Variants in FHIT observed in about 807,000 individuals in gnomAD.
The protein encoded by FHIT is bis(5'-adenosyl)-triphosphatase.
Under a neutral mutation model 17.9 loss-of-function variants are expected in FHIT, and 19 were observed. That is an observed-to-expected ratio of 1.06 (90% CI 0.74 to 1.56). The LOEUF (loss-of-function observed/expected upper bound fraction) is 1.56. Ranked by LOEUF, FHIT falls within the 40% of genes most tolerant of loss-of-function variation. The pLI, the probability that FHIT is intolerant of heterozygous loss-of-function variation, is 0.00. For missense variants in FHIT, 248 were observed against 189.2 expected (o/e 1.31, Z -1.82); for synonymous variants, 81 against 69.7 (o/e 1.16, Z -0.81).
At chr3:61,233,884 CA>C (rs1471843894) in intron 1 of FHIT, among the ~76,000 whole-genome samples, 1 of 152,198 alleles carries the variant, frequency 6.6e-6, no homozygotes, top group African/African-American at 2.4e-5. Flanking sequence ...CTCTCCTTGA[CA>C]TCTCTGAGCT....
At chr3:60,871,055 G>A (rs1704395218) in intron 3 of FHIT, among the ~76,000 whole-genome samples, 1 of 152,006 alleles carries the variant, frequency 6.6e-6, no homozygotes, top group South Asian at 2.1e-4. Flanking sequence ...ATGATTTTTA[G>A]GAAGAAAAGG....
intron 8 of FHIT, among the ~76,000 whole-genome samples, chr3:59,848,435 A>G (rs1701803720): frequency 6.6e-6 from 1 of 152,174 alleles, no homozygotes; most frequent in African/African-American, 2.4e-5. Flanking sequence ...GAATGCCAAA[A>G]AGATTTAAAA....
At chr3:60,603,854 T>G (rs564729671) in intron 4 of FHIT, among the ~76,000 whole-genome samples, 89 of 152,272 alleles carry the variant, frequency 5.8e-4, no homozygotes, top group African/African-American at 2.1e-3. Context: ...TGGCTTAGGC[T>G]CCTTTAATTA....
At chr3:59,786,139 C>T (rs985082635) in intron 8 of FHIT, among the ~76,000 whole-genome samples, 10 of 152,154 alleles carry the variant, frequency 6.6e-5, no homozygotes, top group African/African-American at 2.4e-4. Flanking sequence ...GTCTGGGCCA[C>T]ACCAAAAGTG....
At chr3:60,811,640 A>G (rs1701574068) in intron 4 of FHIT, among the ~76,000 whole-genome samples, 2 of 152,172 alleles carry the variant, frequency 1.3e-5, no homozygotes, top group African/African-American at 4.8e-5. Flanking sequence ...AATCCATGTC[A>G]CCTGACTCCA....
rs563149572 is a variant in FHIT, at chr3:61,017,193, A to C, written c.-111+24854T>G. ...TAATCCCAGCTACTTGGGAAGCTAAAGCAGGAGAATCACTTGAACCTAAGA... is the reference window on the plus strand; with the variant it reads ...TAATCCCAGCTACTTGGGAAGCTAACGCAGGAGAATCACTTGAACCTAAGA... On this transcript the variant is annotated intron_variant, in intron 3 of 9. Coordinates refer to ENST00000492590, the MANE Select transcript of FHIT (RefSeq NM_002012.4). Among the ~76,000 whole-genome samples the C allele has an allele frequency of 7.9e-5, 12 of 152,306 alleles. No homozygotes were observed. The South Asian group carries it at 2.5e-3, about 32-fold the overall frequency.
chr3:59,910,792 T>C (rs946119316), intron 8 of FHIT, among the ~76,000 whole-genome samples: 1 of 152,218 alleles, frequency 6.6e-6, no homozygotes, highest in South Asian at 2.1e-4. Flanking sequence ...GTTGCTGTTA[T>C]CTTTTTCTGA....
At chr3:60,256,000 T>G (rs1460473716) in intron 5 of FHIT, among the ~76,000 whole-genome samples, 5 of 152,120 alleles carry the variant, frequency 3.3e-5, no homozygotes, top group African/African-American at 9.7e-5. Flanking sequence ...GCAAGCCTGA[T>G]TTTTGAAAAG....
At chr3:60,140,165 G>T (rs566544495) in intron 5 of FHIT, among the ~76,000 whole-genome samples, 21 of 152,072 alleles carry the variant, frequency 1.4e-4, no homozygotes, top group African/African-American at 4.6e-4. Context: ...ATTGATAATT[G>T]TAAGAATATA....
intron 5 of FHIT, among the ~76,000 whole-genome samples, chr3:60,369,852 C>A (rs1700251882): frequency 6.6e-6 from 1 of 152,154 alleles, no homozygotes; most frequent in Admixed American, 6.5e-5. Flanking sequence ...TACAGCCTAG[C>A]CACTGGCCAA....
chr3:60,926,551 A>C (rs1553769988), intron 3 of FHIT, among the ~76,000 whole-genome samples: 1 of 152,258 alleles, frequency 6.6e-6, no homozygotes, highest in African/African-American at 2.4e-5. Flanking sequence ...GGACACATTC[A>C]AAGCAGTGTG....
At chr3:60,895,075 C>T (rs1481180856) in intron 3 of FHIT, among the ~76,000 whole-genome samples, 1 of 152,186 alleles carries the variant, frequency 6.6e-6, no homozygotes, top group Non-Finnish European at 1.5e-5. Context: ...ATCGCACTGG[C>T]TTTTAGCTGT....
intron 4 of FHIT, among the ~76,000 whole-genome samples, chr3:60,715,499 T>C (rs1251916207): frequency 2.6e-5 from 4 of 151,652 alleles, no homozygotes; most frequent in African/African-American, 9.7e-5. Flanking sequence ...GAAATCATCA[T>C]TCTCAGTAAA....
chr3:60,410,825 T>C (rs1702033031), intron 5 of FHIT, among the ~76,000 whole-genome samples: 1 of 152,176 alleles, frequency 6.6e-6, no homozygotes, highest in Non-Finnish European at 1.5e-5. Flanking sequence ...TCCATTCTCA[T>C]ATTGCTTATT....
intron 5 of FHIT, among the ~76,000 whole-genome samples, chr3:60,170,336 T>G (rs192581816): frequency 2.6e-5 from 4 of 152,294 alleles, no homozygotes; most frequent in Non-Finnish European, 4.4e-5. Flanking sequence ...CAACAATATA[T>G]GATTCTGTAA....
Position 60,381,477 on chromosome 3 carries a change from T to G in FHIT, c.103+155383A>C, listed in dbSNP as rs1211291143. On this transcript the variant is annotated intron_variant, in intron 5 of 9. Coordinates refer to ENST00000492590, the MANE Select transcript of FHIT (RefSeq NM_002012.4). ...TGGGCAACAAGAGCAAAACTCCATC[T>G]CAAAAAAAAAAAGAAAAGAAAAGAA... Among the ~76,000 whole-genome samples the G allele has an allele frequency of 4.3e-5, 6 of 141,086 alleles. No individual in the cohort carries two copies. In the Admixed American group the frequency reaches 4.3e-4, roughly 10 times the overall value. 92.6% of individuals were successfully genotyped at this position (141,086 alleles called of 152,430 possible).
chr3:59,969,184 T>C (rs917175810), intron 7 of FHIT, among the ~76,000 whole-genome samples: 1 of 152,178 alleles, frequency 6.6e-6, no homozygotes, highest in South Asian at 2.1e-4. Flanking sequence ...CAAAGGGATC[T>C]GAGCTGTTCT....
chr3:60,221,362 G>A (rs1703949994), intron 5 of FHIT, among the ~76,000 whole-genome samples: 1 of 152,122 alleles, frequency 6.6e-6, no homozygotes, highest in East Asian at 1.9e-4. Flanking sequence ...AGGAAGGCCA[G>A]TGTCTCCCCA....
At chr3:60,904,370 A>G (rs1405741597) in intron 3 of FHIT, among the ~76,000 whole-genome samples, 1 of 152,172 alleles carries the variant, frequency 6.6e-6, no homozygotes, top group African/African-American at 2.4e-5. Context: ...AAATCAAGGC[A>G]ACTATTAATG....
Sources: gnomAD v4.1 joint callset for allele counts (sites outside exome capture counted in the v4.1 genomes callset) on GRCh38, gnomAD v4.1.1 for gene constraint, MANE v1.5 for transcripts, NCBI Gene and HGNC (gene_info 2026-07-23, HGNC 2026-07-21) for gene names.